CSMD1: variants seen among roughly 807,000 people sequenced by gnomAD.
The protein encoded by CSMD1 is CUB and Sushi multiple domains 1.
CSMD1 carries 213 observed loss-of-function variants against 417.5 expected under a neutral mutation model. That is an observed-to-expected ratio of 0.51 (90% confidence interval 0.46 to 0.57). The LOEUF is 0.57. CSMD1 is among the 20% of genes least tolerant of loss of function. The pLI, the probability that CSMD1 is intolerant of heterozygous loss-of-function variation, is 0.00. For missense variants in CSMD1, 6,923 were observed against 4,529.7 expected (o/e 1.53, Z -15.17); for synonymous variants, 2,862 against 1,736.8 (o/e 1.65, Z -16.11).
chr8:3,513,740 A>G (rs538491429), intron 10 of CSMD1, among the ~76,000 whole-genome samples: 2 of 152,332 alleles, frequency 1.3e-5, no homozygotes, highest in Admixed American at 6.5e-5. Flanking sequence ...GTTAGTTACC[A>G]TAATAGGTCA....
intron 68 of CSMD1, among the ~76,000 whole-genome samples, chr8:2,948,415 C>G (rs1482700679): frequency 6.6e-6 from 1 of 151,832 alleles, no homozygotes; most frequent in Admixed American, 6.6e-5. Context: ...CCTTTAATCA[C>G]TAAGGCAAAA....
chr8:3,254,518 G>C (rs189981372), intron 26 of CSMD1, among the ~76,000 whole-genome samples: 15 of 152,252 alleles, frequency 9.9e-5, no homozygotes, highest in Admixed American at 2.0e-4. Flanking sequence ...ACACCAATCA[G>C]ACGTAGATTT....
intron 51 of CSMD1, among the ~76,000 whole-genome samples, chr8:3,026,712 A>G (rs1313007623): frequency 1.3e-5 from 2 of 152,254 alleles, no homozygotes; most frequent in East Asian, 3.8e-4. Context: ...TGAGCCCAGA[A>G]GCTGGGCCGT....
intron 1 of CSMD1, among the ~76,000 whole-genome samples, chr8:4,934,640 C>T (rs1048507669): frequency 1.5e-5 from 2 of 134,962 alleles, no homozygotes; most frequent in Non-Finnish European, 3.5e-5. Flanking sequence ...ATCTATATAT[C>T]ATGTATTTAT....
intron 1 of CSMD1, among the ~76,000 whole-genome samples, chr8:4,797,328 T>C (rs1563415076): frequency 6.6e-6 from 1 of 152,102 alleles, no homozygotes; most frequent in Non-Finnish European, 1.5e-5. Flanking sequence ...CAGCTGAGAG[T>C]GCACCTGGAA....
intron 1 of CSMD1, among the ~76,000 whole-genome samples, chr8:4,790,910 A>T (rs960981385): frequency 6.6e-6 from 1 of 152,208 alleles, no homozygotes; most frequent in Non-Finnish European, 1.5e-5. Context: ...ACCATTTTGG[A>T]CCTAGGCCCT....
At chr8:4,195,643 C>T (rs184332295) in intron 3 of CSMD1, among the ~76,000 whole-genome samples, 101 of 152,184 alleles carry the variant, frequency 6.6e-4, no homozygotes, top group Admixed American at 2.0e-3. Context: ...ATGGAGTTAT[C>T]GATGCTCCTT....
chr8:4,177,180 G>A (rs569551242), intron 3 of CSMD1, among the ~76,000 whole-genome samples: 5 of 152,262 alleles, frequency 3.3e-5, no homozygotes, highest in African/African-American at 7.2e-5. Flanking sequence ...ATAGCTGGAA[G>A]TAAAGCTCTC....
At chr8:4,128,374 A>C (rs557468160) in intron 3 of CSMD1, among the ~76,000 whole-genome samples, 1 of 152,310 alleles carries the variant, frequency 6.6e-6, no homozygotes, top group East Asian at 1.9e-4. Context: ...GTGGATGGTA[A>C]ACAGTACCTT....
intron 5 of CSMD1, among the ~76,000 whole-genome samples, chr8:3,904,995 T>C (rs1808020445): frequency 6.6e-6 from 1 of 152,118 alleles, no homozygotes. Flanking sequence ...AGTACCAAGT[T>C]ACAAATATAG....
At chr8:3,642,495 T>C (rs1365708857) in intron 7 of CSMD1, among the ~76,000 whole-genome samples, 1 of 152,094 alleles carries the variant, frequency 6.6e-6, no homozygotes, top group African/African-American at 2.4e-5. Flanking sequence ...ACACAAATCC[T>C]CTCTGGAGAA....
In CSMD1 at chr8:4,789,419, T is replaced by C. The variant is rs143398120; in HGVS notation, c.86-151861A>G. 2.4e-4 allele frequency among the ~76,000 whole-genome samples: 37 copies of C among 152,298 alleles called. No individual in the cohort carries two copies. In the South Asian group the frequency reaches 3.9e-3, roughly 16 times the overall value. On this transcript the variant is annotated intron_variant, in intron 1 of 69. Coordinates refer to ENST00000635120, the MANE Select transcript of CSMD1 (RefSeq NM_033225.6). ...TTTACCTACACTCTCGTATCTAATA[T>C]TGATAGTACTGTGTATCCCCAGAGT...
chr8:2,958,130 C>G (rs1486553507), intron 62 of CSMD1, among the ~76,000 whole-genome samples: 1 of 151,542 alleles, frequency 6.6e-6, no homozygotes, highest in East Asian at 1.9e-4. Context: ...CATTTTTTTC[C>G]TGCCACTCAC....
At chr8:4,479,929 G>A (rs964190945) in intron 2 of CSMD1, among the ~76,000 whole-genome samples, 3 of 150,064 alleles carry the variant, frequency 2.0e-5, no homozygotes, top group Non-Finnish European at 4.4e-5. Context: ...TGGAGCCACT[G>A]CATTCCAGCC....
intron 1 of CSMD1, among the ~76,000 whole-genome samples, chr8:4,891,010 CAAAT>C (rs1056234149): frequency 1.3e-5 from 2 of 152,072 alleles, no homozygotes; most frequent in African/African-American, 2.4e-5. Flanking sequence ...AAGACCTCTC[CAAAT>C]AAATAGATAT....
intron 3 of CSMD1, among the ~76,000 whole-genome samples, chr8:4,123,596 A>C (rs1802604075): frequency 6.6e-6 from 1 of 152,154 alleles, no homozygotes; most frequent in Non-Finnish European, 1.5e-5. Context: ...TATGGTTTTT[A>C]TCACTTTTGA....
intron 7 of CSMD1, among the ~76,000 whole-genome samples, chr8:3,620,377 A>G (rs192243588): frequency 2.0e-5 from 3 of 152,256 alleles, no homozygotes; most frequent in East Asian, 3.9e-4. Flanking sequence ...ATGAAAATAT[A>G]TATAAAAAAG....
intron 3 of CSMD1, among the ~76,000 whole-genome samples, chr8:4,089,199 C>A (rs937193532): frequency 9.9e-5 from 15 of 152,156 alleles, no homozygotes; most frequent in Non-Finnish European, 1.5e-4. Context: ...TGGCTGCCTG[C>A]CTTTTGTATT....
chr8:3,662,687 C>T (rs1798481200), intron 7 of CSMD1, among the ~76,000 whole-genome samples: 1 of 152,064 alleles, frequency 6.6e-6, no homozygotes, highest in Admixed American at 6.6e-5. Context: ...ATGTCCTTTG[C>T]AGGGACATGG....
Sources: allele counts gnomAD v4.1 joint callset (sites outside exome capture counted in the v4.1 genomes callset), GRCh38; gene constraint gnomAD v4.1.1; transcripts MANE v1.5; gene names NCBI Gene and HGNC (gene_info 2026-07-23, HGNC 2026-07-21).